EML4: variants seen among roughly 807,000 people sequenced by gnomAD.
EML4 encodes echinoderm microtubule-associated protein-like 4.
In EML4, 72 loss-of-function variants were observed where a neutral mutation model predicts 129.0. That is an observed-to-expected ratio of 0.56 (90% CI 0.46 to 0.68). EML4 has a LOEUF of 0.68. Among genes scored for constraint, EML4 ranks in the 30% least tolerant of loss-of-function variants. EML4 has a pLI of 0.00. For missense variants in EML4, 1,363 were observed against 1,190.6 expected (o/e 1.14, Z -2.13); for synonymous variants, 532 against 405.0 (o/e 1.31, Z -3.77).
chr2:42,179,250 G>A (rs1019601798), intron 1 of EML4, among the ~76,000 whole-genome samples: 1 of 140,968 alleles, frequency 7.1e-6, no homozygotes, highest in Non-Finnish European at 1.5e-5. Flanking sequence ...TTTTTAAAAC[G>A]TCGGGGAGCT....
At chr2:42,294,015 A>G (rs1667807560) in intron 11 of EML4, among the ~76,000 whole-genome samples, 1 of 152,244 alleles carries the variant, frequency 6.6e-6, no homozygotes, top group South Asian at 2.1e-4. Flanking sequence ...GCTAATAATA[A>G]GGAGCTTTAC....
intron 2 of EML4, among the ~76,000 whole-genome samples, chr2:42,253,607 AG>A (rs1410529596): frequency 2.0e-5 from 3 of 152,212 alleles, no homozygotes; most frequent in Admixed American, 2.0e-4. Flanking sequence ...GAAATTTGGT[AG>A]TGAAGATGCA....
intron 8 of EML4, 73 bp downstream of exon 8, chr2:42,283,045 T>C: frequency 7.5e-7 from 1 of 1,327,436 alleles, no homozygotes; most frequent in Non-Finnish European, 1.0e-6. Flanking sequence ...ATTTGGGTTT[T>C]ATTGAAAGTG....
At position 42,191,831 on chromosome 2, in the gene EML4, G is replaced by C. The variant is rs868019687; in HGVS notation, c.25+22195G>C. Among the ~76,000 whole-genome samples the C allele has an allele frequency of 4.0e-5, 6 of 151,806 alleles. No homozygotes were observed. In the East Asian group the frequency reaches 1.2e-3, roughly 29 times the overall value. On this transcript the variant is annotated intron_variant, in intron 1 of 22. Coordinates refer to ENST00000318522, the MANE Select transcript of EML4 (RefSeq NM_019063.5). Reference sequence around the variant, plus strand: ...TCCCAACACTTTGGGAGGCTGAGGCGGGCGGATCACCTGAGGTCAATAAGA... The same window carrying C: ...TCCCAACACTTTGGGAGGCTGAGGCCGGCGGATCACCTGAGGTCAATAAGA...
At chr2:42,225,732 G>T (rs1364792562) in intron 1 of EML4, among the ~76,000 whole-genome samples, 1 of 152,036 alleles carries the variant, frequency 6.6e-6, no homozygotes, top group African/African-American at 2.4e-5. Flanking sequence ...ATAGAAGTTT[G>T]CCTAGTCATG....
At chr2:42,215,100 C>T (rs1673105912) in intron 1 of EML4, among the ~76,000 whole-genome samples, 1 of 152,090 alleles carries the variant, frequency 6.6e-6, no homozygotes, top group Non-Finnish European at 1.5e-5. Flanking sequence ...CTTTGTGTCA[C>T]CCAGGTTGGA....
rs961424711 is a variant in EML4 at position 42,287,236 on chromosome 2, A to T, written c.1122+857A>T. ...TTTTAGTGAATTTAGGAACTTTGCTAGCTTGAAGGCACTGAATGTCAAGGG... is the reference window on the plus strand; with the variant it reads ...TTTTAGTGAATTTAGGAACTTTGCTTGCTTGAAGGCACTGAATGTCAAGGG... On this transcript the variant is annotated intron_variant, in intron 10 of 22. Transcript: ENST00000318522. 2.0e-5 allele frequency among the ~76,000 whole-genome samples: 3 copies of T among 152,318 alleles called. No individual in the cohort carries two copies. The South Asian group carries it at 6.2e-4, about 32-fold the overall frequency.
intron 1 of EML4, among the ~76,000 whole-genome samples, chr2:42,207,699 T>G (rs1253631960): frequency 6.6e-6 from 1 of 152,224 alleles, no homozygotes; most frequent in Non-Finnish European, 1.5e-5. Context: ...GGTCTTTTTC[T>G]GCTTACTTTC....
rs928113343 is a variant in EML4, at chr2:42,330,569, C to T, written c.*362C>T. ...CTGAACATGTTTTCTTCAGGAACAA[C>T]CAGAGGTATCACAAACACTGTTACT... On this transcript the variant is annotated 3_prime_UTR_variant, in exon 23 of 23. Coordinates refer to ENST00000318522, the MANE Select transcript of EML4 (RefSeq NM_019063.5). 4 of 425,870 alleles carry T rather than the reference C, an allele frequency of 9.4e-6. No individual in the cohort carries two copies. The Admixed American group carries it at 1.4e-4, about 15-fold the overall frequency. 26.4% of individuals were successfully genotyped at this position (425,870 alleles called of 1,614,324 possible).
At chr2:42,307,772 A>G (rs1437263157) in intron 17 of EML4, among the ~76,000 whole-genome samples, 3 of 152,166 alleles carry the variant, frequency 2.0e-5, no homozygotes, top group Non-Finnish European at 4.4e-5. Context: ...TTTAGCCTCA[A>G]GCCTCCTGAG....
Position 42,282,901 on chromosome 2 carries a change from A to G in EML4, c.870A>G (p.Ser290=). ...PTGKIVYFIA[S]VVVLFNYEER... ...GGAAAATAGTTTATTTCATTGCATC[A>G]GTAGTAGTACTATTTAATTATGAGG... Residue 290 remains serine (S), a synonymous_variant, in exon 8 of 23, where the codon TCA becomes TCG. Coordinates refer to ENST00000318522, the MANE Select transcript of EML4 (RefSeq NM_019063.5). The G allele has an allele frequency of 1.2e-6, 2 of 1,612,108 alleles. No homozygotes were observed. Among genetic ancestry groups the G allele is most frequent in the Non-Finnish European group, 8.5e-7 (1 of 1,178,180 alleles).
At chr2:42,310,700 A>G (rs1435447940) in intron 17 of EML4, among the ~76,000 whole-genome samples, 1 of 152,272 alleles carries the variant, frequency 6.6e-6, no homozygotes. Context: ...ACAATGAAAT[A>G]GTAAAAACTT....
intron 6 of EML4, among the ~76,000 whole-genome samples, chr2:42,275,286 T>C (rs916235244): frequency 1.3e-5 from 2 of 152,210 alleles, no homozygotes; most frequent in African/African-American, 4.8e-5. Flanking sequence ...AAATCTGGTT[T>C]GTATATTTCC....
At chr2:42,283,052 A>G in intron 8 of EML4, 80 bp downstream of exon 8, 1 of 1,277,450 alleles carries the variant, frequency 7.8e-7, no homozygotes, top group African/African-American at 1.5e-5. Flanking sequence ...TTTTATTGAA[A>G]GTGATTTCTT....
chr2:42,306,484 C>CTGTTTTTTTTTTTTTTT, intron 17 of EML4, among the ~76,000 whole-genome samples: 1 of 74,604 alleles, frequency 1.3e-5, no homozygotes, highest in East Asian at 5.6e-4. Context: ...GTGCTAAATC[C>CTGTTTTTTTTTTTTTTT]TTTTTTTTTT....
rs746439371 is a variant in EML4 at position 42,261,193 on chromosome 2, A to G, written c.411A>G (p.Gln137=). Residue 137 remains glutamine, a synonymous_variant, in exon 4 of 23, where the codon CAA becomes CAG. Coordinates refer to ENST00000318522, the MANE Select transcript of EML4 (RefSeq NM_019063.5). The part of the protein sequence containing the change: ...EKKEESHSND[Q]SPQIRASPSP... ...AAGAGGAATCTCATTCTAATGATCA[A>G]AGTCCACAAATTCGAGCATCACCTT... is the stretch of plus-strand genomic sequence containing the variant. 8 of 1,613,904 alleles carry G rather than the reference A, an allele frequency of 5.0e-6. No individual in the cohort carries two copies. In the African/African-American group the frequency reaches 5.3e-5, roughly 11 times the overall value.
intron 19 of EML4, among the ~76,000 whole-genome samples, chr2:42,320,956 C>G (rs1490013990): frequency 1.3e-5 from 2 of 151,804 alleles, no homozygotes. Context: ...ATTGGAAATA[C>G]ACATCAAAAA....
chr2:42,172,832 G>A (rs909746833), intron 1 of EML4, among the ~76,000 whole-genome samples: 4 of 152,068 alleles, frequency 2.6e-5, no homozygotes, highest in Non-Finnish European at 5.9e-5. Flanking sequence ...TATAAGGCAG[G>A]GATTGGGTGC....
chr2:42,203,672 A>G (rs1386455940), intron 1 of EML4, among the ~76,000 whole-genome samples: 1 of 129,808 alleles, frequency 7.7e-6, no homozygotes, highest in African/African-American at 2.9e-5. Context: ...CCCTCCCCCC[A>G]CATATTTTGG....
Sources: allele counts gnomAD v4.1 joint callset (sites outside exome capture counted in the v4.1 genomes callset), GRCh38; gene constraint gnomAD v4.1.1; transcripts MANE v1.5; gene names NCBI Gene and HGNC (gene_info 2026-07-23, HGNC 2026-07-21).